DYNC1I1: variants seen among roughly 807,000 people sequenced by gnomAD.
The protein encoded by DYNC1I1 is cytoplasmic dynein 1 intermediate chain 1.
In DYNC1I1, 43 loss-of-function variants were observed where a neutral mutation model predicts 86.6. That is an observed-to-expected ratio of 0.50 (90% confidence interval 0.39 to 0.64). The LOEUF (loss-of-function observed/expected upper bound fraction) is 0.64. DYNC1I1 is among the 30% of genes least tolerant of loss of function. DYNC1I1 has a pLI of 0.00. For missense variants in DYNC1I1, 604 were observed against 788.8 expected (o/e 0.77, Z 2.81); for synonymous variants, 262 against 283.7 (o/e 0.92, Z 0.77).
At chr7:96,026,318 C>T (rs1056284087) in intron 10 of DYNC1I1, among the ~76,000 whole-genome samples, 1 of 152,028 alleles carries the variant, frequency 6.6e-6, no homozygotes, top group African/African-American at 2.4e-5. Flanking sequence ...AACTAGGAAG[C>T]CTTAGGCTGA....
chr7:95,932,246 A>C (rs927842089), intron 6 of DYNC1I1, among the ~76,000 whole-genome samples: 1 of 152,218 alleles, frequency 6.6e-6, no homozygotes, highest in African/African-American at 2.4e-5. Flanking sequence ...TGCAGCAATA[A>C]AAACTGGCAA....
chr7:95,873,128 T>A (rs531416837), intron 6 of DYNC1I1, among the ~76,000 whole-genome samples: 4 of 152,206 alleles, frequency 2.6e-5, no homozygotes, highest in Admixed American at 2.6e-4. Flanking sequence ...TCATAGTTTG[T>A]TTTGATAGTC....
chr7:95,995,015 A>G (rs1303279830), intron 9 of DYNC1I1, among the ~76,000 whole-genome samples: 6 of 152,110 alleles, frequency 3.9e-5, no homozygotes, highest in Non-Finnish European at 1.5e-5. Flanking sequence ...TGAGAGGCCG[A>G]GGCTGGTGGA....
intron 6 of DYNC1I1, among the ~76,000 whole-genome samples, chr7:95,910,832 C>T (rs1032127132): frequency 3.3e-5 from 5 of 152,182 alleles, no homozygotes; most frequent in African/African-American, 1.2e-4. Context: ...TCAGATCATA[C>T]ATACATGTAG....
chr7:95,779,468 T>A (rs1288542500), intron 1 of DYNC1I1, among the ~76,000 whole-genome samples: 1 of 152,240 alleles, frequency 6.6e-6, no homozygotes, highest in African/African-American at 2.4e-5. Flanking sequence ...ACATGCTAAA[T>A]ACCATAATTC....
chr7:95,891,798 T>C (rs1405613436), intron 6 of DYNC1I1, among the ~76,000 whole-genome samples: 1 of 152,166 alleles, frequency 6.6e-6, no homozygotes, highest in Non-Finnish European at 1.5e-5. Context: ...GGGTGTGTAC[T>C]CTATCCTCAC....
chr7:95,831,338 C>A (rs1788895657), intron 5 of DYNC1I1, among the ~76,000 whole-genome samples: 1 of 151,950 alleles, frequency 6.6e-6, no homozygotes, highest in African/African-American at 2.4e-5. Context: ...CCTATGAAAT[C>A]ATTTGGGTTT....
intron 5 of DYNC1I1, among the ~76,000 whole-genome samples, chr7:95,848,662 T>C (rs1789498392): frequency 6.6e-6 from 1 of 152,188 alleles, no homozygotes. Flanking sequence ...ATATCTTGGC[T>C]ATTGTGAATG....
intron 12 of DYNC1I1, 46 bp from the exon 13 acceptor site, chr7:96,035,573 G>T (rs373644371): frequency 9.8e-6 from 15 of 1,523,378 alleles, no homozygotes; most frequent in Non-Finnish European, 1.3e-5. Context: ...CTTTGGCATG[G>T]CAAGGAGTTG....
intron 5 of DYNC1I1, among the ~76,000 whole-genome samples, chr7:95,838,725 G>C (rs1789187157): frequency 6.6e-6 from 1 of 151,858 alleles, no homozygotes; most frequent in South Asian, 2.1e-4. Context: ...ATGCTTCATA[G>C]TTCTTTTATG....
At chr7:95,880,976 T>G (rs1308499981) in intron 6 of DYNC1I1, among the ~76,000 whole-genome samples, 1 of 152,192 alleles carries the variant, frequency 6.6e-6, no homozygotes, top group Non-Finnish European at 1.5e-5. Flanking sequence ...TTTTTTTATC[T>G]TTCCCTAATT....
chr7:95,912,008 G>C (rs759893336), intron 6 of DYNC1I1, among the ~76,000 whole-genome samples: 8 of 152,082 alleles, frequency 5.3e-5, no homozygotes, highest in Non-Finnish European at 1.2e-4. Context: ...AAGGCTGCTT[G>C]TTTAGCACTC....
At chr7:95,910,400 C>T (rs1791301454) in intron 6 of DYNC1I1, among the ~76,000 whole-genome samples, 1 of 152,114 alleles carries the variant, frequency 6.6e-6, no homozygotes, top group Non-Finnish European at 1.5e-5. Flanking sequence ...TTTGTATTTT[C>T]TGTTATATTA....
intron 9 of DYNC1I1, among the ~76,000 whole-genome samples, chr7:95,989,102 G>T (rs548125012): frequency 1.3e-4 from 20 of 152,344 alleles, no homozygotes; most frequent in African/African-American, 4.6e-4. Flanking sequence ...TTCAGTGGAG[G>T]TTGGAATCTG....
chr7:95,854,238 C>G (rs148337637), intron 5 of DYNC1I1, among the ~76,000 whole-genome samples: 3,409 of 151,680 alleles, frequency 0.022, 54 homozygotes, highest in South Asian at 0.058. Context: ...TTGCTGTGTT[C>G]CTTTGTAGTT....
At chr7:95,859,518 G>A (rs1215213305) in intron 5 of DYNC1I1, among the ~76,000 whole-genome samples, 4 of 152,188 alleles carry the variant, frequency 2.6e-5, no homozygotes. Context: ...CAGCCATCTG[G>A]CATGGCTCCA....
intron 5 of DYNC1I1, among the ~76,000 whole-genome samples, chr7:95,843,973 GA>G (rs1323759325): frequency 1.3e-5 from 2 of 152,198 alleles, no homozygotes; most frequent in African/African-American, 4.8e-5. Context: ...ACTGCAATGG[GA>G]AAATTTGAGG....
intron 1 of DYNC1I1, among the ~76,000 whole-genome samples, chr7:95,801,167 T>C (rs3857800): frequency 0.029 from 4,366 of 152,316 alleles, 206 homozygotes; most frequent in African/African-American, 0.099. Context: ...TTTACAGTTG[T>C]GTCTTCTAAC....
chr7:95,998,343 G>T (rs1016507819), intron 10 of DYNC1I1, among the ~76,000 whole-genome samples: 1 of 152,208 alleles, frequency 6.6e-6, no homozygotes, highest in African/African-American at 2.4e-5. Context: ...CCCATTCAAG[G>T]TATATTTTTG....
Sources: allele counts gnomAD v4.1 joint callset (sites outside exome capture counted in the v4.1 genomes callset), GRCh38; gene constraint gnomAD v4.1.1; transcripts MANE v1.5; gene names NCBI Gene and HGNC (gene_info 2026-07-23, HGNC 2026-07-21).